The following FGF12 variants were observed in gnomAD, a reference collection of about 807,000 sequenced individuals.
FGF12 encodes the protein fibroblast growth factor 12, also known as fibroblast growth factor 12B.
A neutral mutation model predicts 23.6 loss-of-function variants in FGF12; 14 were observed. The ratio of observed to expected loss-of-function variants is 0.59; its 90% CI spans 0.39 to 0.93. The LOEUF (loss-of-function observed/expected upper bound fraction) is 0.93, where lower values mean the gene tolerates loss of function less well. Ranked by LOEUF, FGF12 falls within the 40% of genes least tolerant of loss-of-function variation. FGF12 has a pLI of 0.00. For synonymous variants in FGF12, 62 were observed against 77.3 expected (o/e 0.80, Z 1.04); for missense variants, 175 against 217.8 (o/e 0.80, Z 1.24).
In FGF12 at chr3:192,591,976, A is replaced by G. The variant is rs576682439; in HGVS notation, c.13+135205T>C. 3.3e-5 allele frequency among the ~76,000 whole-genome samples: 5 copies of G among 151,916 alleles called. No homozygotes were observed. In the East Asian group the frequency reaches 7.7e-4, roughly 23 times the overall value. Reference sequence around the variant, plus strand: ...TTAACCAGAAAAAAAAATTATAAGAAAAACTACTTATAAGTGACTACTCTT... The same window carrying G: ...TTAACCAGAAAAAAAAATTATAAGAGAAACTACTTATAAGTGACTACTCTT... On this transcript the variant is annotated intron_variant, in intron 2 of 5. Coordinates refer to ENST00000445105, the MANE Select transcript of FGF12 (RefSeq NM_004113.6).
At chr3:192,469,559 G>A (rs1723110525) in intron 2 of FGF12, among the ~76,000 whole-genome samples, 2 of 152,194 alleles carry the variant, frequency 1.3e-5, no homozygotes. Context: ...ACACAAAAGT[G>A]TGTATGTTTA....
At chr3:192,339,936 G>A (rs560801776) in intron 3 of FGF12, among the ~76,000 whole-genome samples, 2 of 152,214 alleles carry the variant, frequency 1.3e-5, no homozygotes, top group African/African-American at 4.8e-5. Flanking sequence ...CAGGAATGTA[G>A]GTTTTCTTGT....
rs1274858690 is a variant in FGF12 at position 192,514,212 on chromosome 3, C to T, written c.14-153674G>A. Among the ~76,000 whole-genome samples, 7 of 152,234 alleles carry T rather than the reference C, an allele frequency of 4.6e-5. No homozygotes were observed. The highest frequency in any genetic ancestry group is 2.9e-5 in the Non-Finnish European group (2 of 68,042). On this transcript the variant is annotated intron_variant, in intron 2 of 5. Coordinates refer to ENST00000445105, the MANE Select transcript of FGF12 (RefSeq NM_004113.6). This position sits in a 1 kb window ranked among gnomAD's most constrained non-coding sequence, Gnocchi z 4.9. ...TAACCACCGCCAGATGTCTACTTTTCAGACAAAGCAAGAAAAAGAAAATAT... is the reference window on the plus strand; with the variant it reads ...TAACCACCGCCAGATGTCTACTTTTTAGACAAAGCAAGAAAAAGAAAATAT...
Position 192,210,732 on chromosome 3 carries a change from A to AG in FGF12, c.229-40077_229-40076insC, listed in dbSNP as rs200448797. ...TTACCATCGCGGAGCTTATATTCTA[A>AG]CGAGAGTAGAAGAGAGAGACAGTCA... On this transcript the variant is annotated intron_variant, in intron 4 of 5. Transcript: ENST00000445105. 8.9e-4 allele frequency among the ~76,000 whole-genome samples: 131 copies of AG among 147,712 alleles called. 2 individuals are homozygous for AG. The East Asian group carries it at 0.024, about 27-fold the overall frequency.
chr3:192,471,895 C>T (rs1411329286), intron 2 of FGF12, among the ~76,000 whole-genome samples: 1 of 152,196 alleles, frequency 6.6e-6, no homozygotes, highest in Non-Finnish European at 1.5e-5. Flanking sequence ...ATTCTAAAAA[C>T]TCAACTGTAA....
At chr3:192,640,941 T>C (rs1011200156) in intron 2 of FGF12, among the ~76,000 whole-genome samples, 3 of 151,806 alleles carry the variant, frequency 2.0e-5, no homozygotes, top group Non-Finnish European at 4.4e-5. Flanking sequence ...GCCTCCCAAA[T>C]AGCTGGGACC....
At chr3:192,545,763 T>C (rs1256937571) in intron 2 of FGF12, among the ~76,000 whole-genome samples, 1 of 152,222 alleles carries the variant, frequency 6.6e-6, no homozygotes, top group African/African-American at 2.4e-5. Flanking sequence ...AAATATTCTC[T>C]TTCTCAAATC....
At chr3:192,181,603 G>A (rs1352578406) in intron 4 of FGF12, among the ~76,000 whole-genome samples, 1 of 150,582 alleles carries the variant, frequency 6.6e-6, no homozygotes, top group Non-Finnish European at 1.5e-5. Context: ...AGGTCGCCTA[G>A]ATGTTAAAAT....
At chr3:192,345,458 C>T (rs1292803788) in intron 3 of FGF12, among the ~76,000 whole-genome samples, 2 of 102,626 alleles carry the variant, frequency 1.9e-5, no homozygotes, top group Non-Finnish European at 3.4e-5. Context: ...GAGGCCGAGG[C>T]GGGCGGATCA....
intron 2 of FGF12, among the ~76,000 whole-genome samples, chr3:192,546,172 T>G (rs1383421661): frequency 6.6e-6 from 1 of 152,150 alleles, no homozygotes; most frequent in Non-Finnish European, 1.5e-5. Flanking sequence ...CTTAGACAAT[T>G]TACATGACCT....
intron 4 of FGF12, among the ~76,000 whole-genome samples, chr3:192,201,371 C>T (rs1336276097): frequency 6.6e-6 from 1 of 152,172 alleles, no homozygotes; most frequent in East Asian, 1.9e-4. Flanking sequence ...AAGGGCAAAG[C>T]TTTATCAAGA....
At chr3:192,324,410 C>A (rs1484631829) in intron 4 of FGF12, among the ~76,000 whole-genome samples, 1 of 152,104 alleles carries the variant, frequency 6.6e-6, no homozygotes, top group East Asian at 1.9e-4. Flanking sequence ...GTACACCAAG[C>A]ATCTTTTTAA....
At chr3:192,655,061 T>A (rs949430986) in intron 2 of FGF12, among the ~76,000 whole-genome samples, 29 of 152,336 alleles carry the variant, frequency 1.9e-4, no homozygotes, top group African/African-American at 7.0e-4. Context: ...ATTAATATAG[T>A]AAATTTTGCT....
intron 2 of FGF12, among the ~76,000 whole-genome samples, chr3:192,553,766 C>A (rs745775656): frequency 1.3e-5 from 2 of 152,090 alleles, no homozygotes. Context: ...GGGGAGGAAA[C>A]GAAAAGACTA....
At chr3:192,441,441 G>A (rs1033477698) in intron 2 of FGF12, among the ~76,000 whole-genome samples, 2 of 152,098 alleles carry the variant, frequency 1.3e-5, no homozygotes, top group African/African-American at 4.8e-5. Flanking sequence ...TTCTCCTTCT[G>A]TGCCTCAGTT....
At chr3:192,161,238 A>G (rs1714854198) in intron 5 of FGF12, among the ~76,000 whole-genome samples, 1 of 152,088 alleles carries the variant, frequency 6.6e-6, no homozygotes. Context: ...GCCAGCTCAA[A>G]CGTACAGAAT....
intron 4 of FGF12, among the ~76,000 whole-genome samples, chr3:192,177,179 G>T (rs1231341585): frequency 2.0e-5 from 3 of 152,136 alleles, no homozygotes; most frequent in Non-Finnish European, 4.4e-5. Context: ...CCTTTGGCAC[G>T]CCAGTTAACC....
chr3:192,420,777 T>A (rs536347434), intron 2 of FGF12, among the ~76,000 whole-genome samples: 15 of 152,138 alleles, frequency 9.9e-5, no homozygotes, highest in Non-Finnish European at 2.1e-4. Context: ...CAACCTCAGG[T>A]ATTTGTTTTT....
chr3:192,527,772 C>T lies in FGF12; in HGVS notation c.14-167234G>A, dbSNP rs181700704. Among the ~76,000 whole-genome samples the T allele has an allele frequency of 7.2e-5, 11 of 152,224 alleles. No homozygotes were observed. In the East Asian group the frequency reaches 7.7e-4, roughly 11 times the overall value. ...TTTAAAAAAGAAAGAGGTTTAATGA[C>T]TTATAGTTCCACGTGGCTGGGGAGG... is the stretch of plus-strand genomic sequence containing the variant. On this transcript the variant is annotated intron_variant, in intron 2 of 5. Transcript: ENST00000445105.
Sources: gnomAD v4.1 joint callset for allele counts (sites outside exome capture counted in the v4.1 genomes callset) on GRCh38, gnomAD v4.1.1 for gene constraint, Gnocchi (gnomAD v3.1) non-coding constraint, MANE v1.5 for transcripts, NCBI Gene and HGNC (gene_info 2026-07-23, HGNC 2026-07-21) for gene names.